NYAP2: variants seen among roughly 807,000 people sequenced by gnomAD.
The protein encoded by NYAP2 is neuronal tyrosine-phosphorylated phosphoinositide-3-kinase adaptor 2, also known as neuronal tyrosine-phosphorylated phosphoinositide-3-kinase adapter 2.
Under a neutral mutation model 50.4 loss-of-function variants are expected in NYAP2, and 23 were observed. The observed-to-expected ratio is 0.46, with a 90% confidence interval of 0.33 to 0.65. NYAP2 has a LOEUF of 0.65. Ranked by LOEUF, NYAP2 falls within the 30% of genes least tolerant of loss-of-function variation. The pLI is 0.02. For synonymous variants in NYAP2, 394 were observed against 365.2 expected (o/e 1.08, Z -0.90); for missense variants, 885 against 861.0 (o/e 1.03, Z -0.35).
chr2:225,469,937 C>T (rs1046237882), intron 3 of NYAP2, among the ~76,000 whole-genome samples: 4 of 152,070 alleles, frequency 2.6e-5, no homozygotes, highest in Non-Finnish European at 5.9e-5. Flanking sequence ...CACCATGGCA[C>T]GTGTATACCT....
the NYAP2 span, among the ~76,000 whole-genome samples, chr2:225,677,237 C>G: frequency 6.6e-6 from 1 of 151,626 alleles, no homozygotes; most frequent in African/African-American, 2.4e-5. Flanking sequence ...TATAAAAATG[C>G]TACTCGTTTT....
At chr2:225,485,997 T>C (rs890254787) in intron 3 of NYAP2, among the ~76,000 whole-genome samples, 13 of 152,164 alleles carry the variant, frequency 8.5e-5, no homozygotes, top group African/African-American at 3.1e-4. Context: ...AAATGTCTCC[T>C]TGTGGGCGGT....
chr2:225,493,412 T>C (rs1690444260), intron 3 of NYAP2, among the ~76,000 whole-genome samples: 1 of 152,244 alleles, frequency 6.6e-6, no homozygotes, highest in African/African-American at 2.4e-5. Flanking sequence ...GATCATGAAC[T>C]GGAGCTTTGC....
intron 5 of NYAP2, among the ~76,000 whole-genome samples, chr2:225,597,294 C>G (rs1010700813): frequency 2.6e-5 from 4 of 150,998 alleles, no homozygotes; most frequent in Admixed American, 2.0e-4. Flanking sequence ...TCACTCACCC[C>G]CCTCCCACCC....
chr2:225,657,078 A>C (rs142501625), downstream of NYAP2, among the ~76,000 whole-genome samples: 1 of 143,756 alleles, frequency 7.0e-6, no homozygotes, highest in East Asian at 2.1e-4. Flanking sequence ...TAAGGCCTAG[A>C]GTGTGAAATG....
chr2:225,657,037 G>A (rs1193593830), downstream of NYAP2, among the ~76,000 whole-genome samples: 1 of 149,930 alleles, frequency 6.7e-6, no homozygotes, highest in African/African-American at 2.5e-5. Flanking sequence ...GAGAGTGTGA[G>A]AAAGGCTAAC....
rs1238304628 is a variant in NYAP2 at position 225,452,319 on chromosome 2, C to T, written c.221+43218C>T. 3.9e-5 allele frequency among the ~76,000 whole-genome samples: 6 copies of T among 152,168 alleles called. No individual in the cohort carries two copies. In the East Asian group the frequency reaches 9.6e-4, roughly 24 times the overall value. ...AGTTGCATTAGCACTGTAGGAAGTGCACTCTTAAGAGTGCTCAACAAATAT... is the reference window on the plus strand; with the variant it reads ...AGTTGCATTAGCACTGTAGGAAGTGTACTCTTAAGAGTGCTCAACAAATAT... On this transcript the variant is annotated intron_variant, in intron 3 of 6. Transcript: ENST00000636099.
intron 3 of NYAP2, among the ~76,000 whole-genome samples, chr2:225,489,828 C>CA (rs1428838253): frequency 3.3e-5 from 5 of 152,070 alleles, no homozygotes; most frequent in Non-Finnish European, 7.4e-5. Flanking sequence ...GGACCTTGAC[C>CA]CAGATCAAAT....
intron 5 of NYAP2, among the ~76,000 whole-genome samples, chr2:225,611,078 G>A (rs560006384): frequency 5.9e-5 from 9 of 152,276 alleles, no homozygotes; most frequent in African/African-American, 1.9e-4. Context: ...GAAAGGAAGA[G>A]AATGGGGCAG....
At chr2:225,675,775 T>A in the NYAP2 span, among the ~76,000 whole-genome samples, 1 of 152,146 alleles carries the variant, frequency 6.6e-6, no homozygotes, top group Non-Finnish European at 1.5e-5. Flanking sequence ...TGTATAAGCA[T>A]TCTCTTTTCT....
At chr2:225,527,608 T>A (rs145378563) in intron 4 of NYAP2, among the ~76,000 whole-genome samples, 2 of 152,200 alleles carry the variant, frequency 1.3e-5, no homozygotes, top group East Asian at 3.9e-4. Context: ...TTTTAAAGAG[T>A]TCACCTGATT....
intron 3 of NYAP2, among the ~76,000 whole-genome samples, chr2:225,499,396 T>G (rs1690563353): frequency 6.6e-6 from 1 of 151,664 alleles, no homozygotes; most frequent in African/African-American, 2.4e-5. Context: ...CACTGCAAGC[T>G]CTGCCTCCGG....
At chr2:225,417,787 A>G (rs1040894506) in intron 3 of NYAP2, among the ~76,000 whole-genome samples, 3 of 152,066 alleles carry the variant, frequency 2.0e-5, no homozygotes, top group Admixed American at 2.0e-4. Flanking sequence ...TTGCATAGCT[A>G]TTTTGTTTCC....
At chr2:225,645,252 A>AAAG (rs1389985000) in intron 6 of NYAP2, among the ~76,000 whole-genome samples, 3 of 151,722 alleles carry the variant, frequency 2.0e-5, no homozygotes, top group African/African-American at 7.3e-5. Context: ...AAAAAAAAAA[A>AAAG]AAGAAGAAGA....
chr2:225,670,576 C>T, the NYAP2 span, among the ~76,000 whole-genome samples: 12 of 144,364 alleles, frequency 8.3e-5, no homozygotes, highest in Admixed American at 1.4e-4. Flanking sequence ...AGTTTATGTC[C>T]TTCCTGGGAA....
chr2:225,580,918 A>G (rs1158546786), intron 4 of NYAP2, among the ~76,000 whole-genome samples: 3 of 152,222 alleles, frequency 2.0e-5, no homozygotes, highest in Non-Finnish European at 2.9e-5. Context: ...ATTCTGCTAC[A>G]TTGCATAATA....
Position 225,431,874 on chromosome 2 carries a change from C to T in NYAP2, c.221+22773C>T, listed in dbSNP as rs1192502096. On this transcript the variant is annotated intron_variant, in intron 3 of 6. Coordinates refer to ENST00000636099, the Ensembl canonical transcript of NYAP2. ...CCTATCAATGAGCAAAGTCATCAGACTTACATGACGTGTGACAAAATAATA... is the reference window on the plus strand; with the variant it reads ...CCTATCAATGAGCAAAGTCATCAGATTTACATGACGTGTGACAAAATAATA... Among the ~76,000 whole-genome samples, 4 of 152,334 alleles carry T rather than the reference C, an allele frequency of 2.6e-5. No homozygotes were observed. The South Asian group carries it at 8.3e-4, about 32-fold the overall frequency.
chr2:225,662,564 T>C, the NYAP2 span, among the ~76,000 whole-genome samples: 8 of 152,386 alleles, frequency 5.2e-5, no homozygotes, highest in African/African-American at 1.7e-4. Flanking sequence ...TGTACTGTCA[T>C]GTCAAAGCAT....
chr2:225,693,192 A>T, the NYAP2 span, among the ~76,000 whole-genome samples: 1 of 152,086 alleles, frequency 6.6e-6, no homozygotes, highest in African/African-American at 2.4e-5. Context: ...AATTACACTT[A>T]GTCATTGGGT....
Sources: allele counts gnomAD v4.1 joint callset (sites outside exome capture counted in the v4.1 genomes callset), GRCh38; gene constraint gnomAD v4.1.1; transcripts MANE v1.5; gene names NCBI Gene and HGNC (gene_info 2026-07-23, HGNC 2026-07-21).